The following MAPK14 variants were observed in gnomAD, a reference collection of about 807,000 sequenced individuals.
MAPK14 encodes the protein mitogen-activated protein kinase 14.
A neutral mutation model predicts 49.6 loss-of-function variants in MAPK14; 16 were observed. The observed-to-expected ratio is 0.32, with a 90% CI of 0.22 to 0.49. The LOEUF (loss-of-function observed/expected upper bound fraction) is 0.49, where lower values mean the gene tolerates loss of function less well. Among genes scored for constraint, MAPK14 ranks in the 20% least tolerant of loss-of-function variants. The pLI is 0.99. For synonymous variants in MAPK14, 142 were observed against 158.0 expected, an observed-to-expected ratio of 0.90 and a Z score of 0.76; for missense variants, 200 against 441.2, an observed-to-expected ratio of 0.45 and a Z score of 4.90.
intron 2 of MAPK14, among the ~76,000 whole-genome samples, chr6:36,058,122 A>C (rs1174559669): frequency 6.6e-6 from 1 of 152,002 alleles, no homozygotes; most frequent in Non-Finnish European, 1.5e-5. Flanking sequence ...ATCCCTGTGT[A>C]AAAATAGACT....
intron 8 of MAPK14, 113 bp downstream of exon 8, chr6:36,076,721 T>C (rs369279388): frequency 7.1e-6 from 5 of 703,548 alleles, no homozygotes; most frequent in East Asian, 5.7e-5. Context: ...GCTTTTATAG[T>C]CTAGATAATG....
intron 1 of MAPK14, among the ~76,000 whole-genome samples, chr6:36,051,383 C>T (rs1482659739): frequency 6.6e-6 from 1 of 152,144 alleles, no homozygotes; most frequent in Non-Finnish European, 1.5e-5. Context: ...TGCTGGATTA[C>T]AGGCATGAGC....
At chr6:36,067,379 T>C (rs1330747152) in intron 3 of MAPK14, among the ~76,000 whole-genome samples, 3 of 152,148 alleles carry the variant, frequency 2.0e-5, no homozygotes, top group African/African-American at 7.2e-5. Flanking sequence ...TGCCTTCCTT[T>C]CATCTAAAGG....
At chr6:36,029,286 G>A (rs1437970768) in intron 1 of MAPK14, 1 of 152,080 alleles carries the variant, frequency 6.6e-6, no homozygotes, top group Non-Finnish European at 1.5e-5. Flanking sequence ...TTTTCGTAAG[G>A]ATATGGAACC....
chr6:36,078,236 T>G (rs1764608516), intron 8 of MAPK14, among the ~76,000 whole-genome samples: 1 of 152,226 alleles, frequency 6.6e-6, no homozygotes, highest in Non-Finnish European at 1.5e-5. Context: ...TCATACATAC[T>G]CACAAGGTTG....
chr6:36,108,234 T>C, intron 11 of MAPK14, 146 bp from the exon 12 acceptor site: 1 of 643,004 alleles, frequency 1.6e-6, no homozygotes. Context: ...CGTGTTCCAG[T>C]AGGCTATTAC....
intron 9 of MAPK14, chr6:36,100,068 G>A (rs1037498224): frequency 2.9e-6 from 2 of 690,290 alleles, no homozygotes; most frequent in Non-Finnish European, 5.4e-6. Flanking sequence ...TCGGGTAGGG[G>A]GAATGGAGGG....
intron 8 of MAPK14, among the ~76,000 whole-genome samples, chr6:36,084,693 C>T (rs116024042): frequency 0.011 from 1,647 of 152,150 alleles, 22 homozygotes; most frequent in African/African-American, 0.033. Flanking sequence ...ACTGAACCTG[C>T]GAATGATAGG....
At chr6:36,099,516 CAT>C (rs1389054791) in intron 9 of MAPK14, among the ~76,000 whole-genome samples, 4 of 152,224 alleles carry the variant, frequency 2.6e-5, no homozygotes, top group Non-Finnish European at 5.9e-5. Context: ...TGGAGGAAAT[CAT>C]GTGGCATGCT....
rs765459552 is a variant in MAPK14 at position 36,107,510 on chromosome 6, G to A, written c.897G>A (p.Ala299=). ...LVLDSDKRIT[A]AQALAHAYFA... Reference sequence around the variant, plus strand: ...TGGACTCAGATAAGAGAATTACAGCGGCCCAAGCCCTTGCACATGCCTACT... The same window carrying A: ...TGGACTCAGATAAGAGAATTACAGCAGCCCAAGCCCTTGCACATGCCTACT... The change falls in exon 11 of 12, where the codon GCG becomes GCA. Residue 299 remains alanine, a synonymous_variant. Coordinates refer to ENST00000229794, the MANE Select transcript of MAPK14 (RefSeq NM_139012.3). This position sits in a 1 kb window ranked among gnomAD's most constrained non-coding sequence, Gnocchi z 4.3. The A allele has an allele frequency of 8.8e-6, 14 of 1,597,052 alleles. No individual in the cohort carries two copies. Among genetic ancestry groups the A allele is most frequent in the South Asian group, 5.8e-5 (5 of 86,756 alleles).
intron 3 of MAPK14, among the ~76,000 whole-genome samples, chr6:36,065,507 G>GGTTGTGTGTGT (rs1554181671): frequency 4.9e-5 from 6 of 122,454 alleles, no homozygotes; most frequent in African/African-American, 1.5e-4. Flanking sequence ...GGGCAGAAAA[G>GGTTGTGTGTGT]GTGTGTGTGT....
intron 4 of MAPK14, among the ~76,000 whole-genome samples, chr6:36,073,337 C>T (rs909627782): frequency 6.6e-6 from 1 of 152,124 alleles, no homozygotes; most frequent in Non-Finnish European, 1.5e-5. Context: ...ATCTGGTCAG[C>T]GTAATGTTGA....
chr6:36,084,340 A>T (rs907290403), intron 8 of MAPK14, among the ~76,000 whole-genome samples: 3 of 152,236 alleles, frequency 2.0e-5, no homozygotes, highest in African/African-American at 7.2e-5. Flanking sequence ...ATGTGGGCTG[A>T]GGCTGAGATG....
intron 8 of MAPK14, among the ~76,000 whole-genome samples, chr6:36,088,835 T>C (rs1432545520): frequency 6.6e-6 from 1 of 151,402 alleles, no homozygotes; most frequent in Non-Finnish European, 1.5e-5. Flanking sequence ...ATTAGAGAAA[T>C]GCAAATGAAA....
chr6:36,076,699 T>C, intron 8 of MAPK14, 91 bp downstream of exon 8: 1 of 964,680 alleles, frequency 1.0e-6, no homozygotes, highest in Non-Finnish European at 1.6e-6. Context: ...TAGGGAAGAC[T>C]CTCAGTATTT....
intron 8 of MAPK14, among the ~76,000 whole-genome samples, chr6:36,089,205 A>G (rs1374652487): frequency 6.6e-6 from 1 of 152,248 alleles, no homozygotes; most frequent in Non-Finnish European, 1.5e-5. Context: ...CATATACACC[A>G]TGGAATACTA....
chr6:36,046,885 A>G (rs1441994948), intron 1 of MAPK14, among the ~76,000 whole-genome samples: 1 of 152,218 alleles, frequency 6.6e-6, no homozygotes, highest in Non-Finnish European at 1.5e-5. Context: ...CAGATCAGCT[A>G]GAAAACTGCT....
At chr6:36,060,788 C>T (rs1450573256) in intron 3 of MAPK14, among the ~76,000 whole-genome samples, 1 of 152,204 alleles carries the variant, frequency 6.6e-6, no homozygotes, top group Admixed American at 6.5e-5. Context: ...AACATTTCTC[C>T]ACCATTTGAA....
At chr6:36,035,118 C>T (rs571546855) in intron 1 of MAPK14, among the ~76,000 whole-genome samples, 38 of 152,076 alleles carry the variant, frequency 2.5e-4, no homozygotes, top group Admixed American at 1.6e-3. Context: ...AGGCTGGTCT[C>T]GAACTCCTGA....
Sources: allele counts gnomAD v4.1 joint callset (sites outside exome capture counted in the v4.1 genomes callset), GRCh38; gene constraint gnomAD v4.1.1; non-coding constraint Gnocchi (gnomAD v3.1); transcripts MANE v1.5; gene names NCBI Gene and HGNC (gene_info 2026-07-23, HGNC 2026-07-21).